The following ASXL1 variants were observed in gnomAD, a reference collection of about 807,000 sequenced individuals.
ASXL1 encodes the protein ASXL transcriptional regulator 1.
In ASXL1, 65 loss-of-function variants were observed where a neutral mutation model predicts 89.1. That is an observed-to-expected ratio of 0.73 (90% CI 0.60 to 0.90). The LOEUF is 0.90. Ranked by LOEUF, ASXL1 falls within the 40% of genes least tolerant of loss-of-function variation. The pLI, the probability that ASXL1 is intolerant of heterozygous loss-of-function variation, is 0.00. For missense variants in ASXL1, 1,786 were observed against 1,942.9 expected (o/e 0.92, Z 1.52); for synonymous variants, 739 against 746.9 (o/e 0.99, Z 0.17).
At chr20:32,389,983 A>G (rs886733045) in intron 4 of ASXL1, among the ~76,000 whole-genome samples, 1 of 152,242 alleles carries the variant, frequency 6.6e-6, no homozygotes, top group African/African-American at 2.4e-5. Context: ...AATATATGCC[A>G]TATATGGCTT....
At chr20:32,413,029 G>T (rs963246118) in intron 4 of ASXL1, among the ~76,000 whole-genome samples, 11 of 152,152 alleles carry the variant, frequency 7.2e-5, no homozygotes, top group Non-Finnish European at 1.0e-4. Context: ...TGAGGGAGTG[G>T]TTATACTTTG....
chr20:32,423,419 T>G (rs1251455048), intron 4 of ASXL1, among the ~76,000 whole-genome samples: 1 of 147,640 alleles, frequency 6.8e-6, no homozygotes, highest in Non-Finnish European at 1.5e-5. Flanking sequence ...GTGTGTATAT[T>G]TAGTAGGGGG....
intron 4 of ASXL1, among the ~76,000 whole-genome samples, chr20:32,425,351 TA>T (rs2011244679): frequency 4.0e-5 from 6 of 151,894 alleles, no homozygotes. Flanking sequence ...TGTACTTCTC[TA>T]AGGAATCCAA....
rs1241861910 is a variant in ASXL1, at chr20:32,358,829, C to T, written c.54C>T (p.Arg18=). 2 of 1,507,112 alleles carry T rather than the reference C, an allele frequency of 1.3e-6. No individual in the cohort carries two copies. The highest frequency in any genetic ancestry group is 1.5e-5 in the African/African-American group (1 of 68,560). The allele number at this position is 1,507,112 out of a possible 1,614,324, so 93.4% of individuals were successfully genotyped here. Residue 18 remains arginine (R), a synonymous_variant, in exon 1 of 13, where the codon CGC becomes CGT. Transcript: ENST00000375687. ...KKERTWAEAA[R]LVLENYSDAP... Reference sequence around the variant, plus strand: ...AGCGCACGTGGGCCGAGGCCGCGCGCCTGGTGAGGCGGACAGCCGAGGGGG... The same window carrying T: ...AGCGCACGTGGGCCGAGGCCGCGCGTCTGGTGAGGCGGACAGCCGAGGGGG...
Position 32,436,895 on chromosome 20 carries a change from C to T in ASXL1, c.4183C>T (p.Leu1395=), listed in dbSNP as rs150004862. Reference sequence around the variant, plus strand: ...AGCTACTGGGCATAGTCCCCTGGAACTGGTGGGTCACTTGGAAGGGATGCC... The same window carrying T: ...AGCTACTGGGCATAGTCCCCTGGAATTGGTGGGTCACTTGGAAGGGATGCC... ...RKATGHSPLE[L]VGHLEGMPFV... The change falls in exon 13 of 13, where the codon CTG becomes TTG. Residue 1395 remains leucine, a synonymous_variant. Coordinates refer to ENST00000375687, the MANE Select transcript of ASXL1 (RefSeq NM_015338.6). 6.2e-7 allele frequency: 1 copy of T among 1,614,258 alleles called. No homozygotes were observed. The highest frequency in any genetic ancestry group is 2.2e-5 in the East Asian group (1 of 44,890).
At chr20:32,369,209 C>A (rs2048256375) in intron 4 of ASXL1, 86 bp downstream of exon 4, 2 of 1,284,822 alleles carry the variant, frequency 1.6e-6, no homozygotes, top group Non-Finnish European at 2.3e-6. Flanking sequence ...GGAATAGGGG[C>A]CATGAATTTG....
At chr20:32,379,973 TA>T (rs1057347628) in intron 4 of ASXL1, among the ~76,000 whole-genome samples, 1 of 149,386 alleles carries the variant, frequency 6.7e-6, no homozygotes. Context: ...TTTAAAAGTA[TA>T]AAAAAACTTA....
rs781094164 is a variant in ASXL1, at chr20:32,433,899, C to G, written c.1701C>G (p.Pro567=). The G allele has an allele frequency of 1.2e-6, 2 of 1,613,224 alleles. No individual in the cohort carries two copies. Among genetic ancestry groups the G allele is most frequent in the Non-Finnish European group, 1.7e-6 (2 of 1,180,040 alleles). The change falls in exon 12 of 13, where the codon CCC becomes CCG. Residue 567 remains proline, a synonymous_variant. Coordinates refer to ENST00000375687, the MANE Select transcript of ASXL1 (RefSeq NM_015338.6). The stretch of plus-strand genomic sequence containing the variant: ...AGCCACAGCCCACTAAAGAGGAGCC[C>G]AAAGTCCCGCCCATCCGGGTAGGAG... ...TEKPQPTKEE[P]KVPPIRIQLS...
At chr20:32,383,670 A>G (rs1467431189) in intron 4 of ASXL1, among the ~76,000 whole-genome samples, 9 of 152,190 alleles carry the variant, frequency 5.9e-5, no homozygotes, top group Non-Finnish European at 1.2e-4. Flanking sequence ...GAGCACTGGA[A>G]TAGGAGTCAA....
intron 4 of ASXL1, among the ~76,000 whole-genome samples, chr20:32,370,393 G>T (rs567237808): frequency 6.6e-6 from 1 of 151,294 alleles, no homozygotes; most frequent in African/African-American, 2.4e-5. Flanking sequence ...ATACCCAAAT[G>T]AATGGGCATG....
chr20:32,430,039 G>A lies in ASXL1; in HGVS notation c.704G>A (p.Arg235Gln), dbSNP rs1234538414. 1.1e-5 allele frequency: 17 copies of A among 1,604,586 alleles called. No individual in the cohort carries two copies. Among genetic ancestry groups the A allele is most frequent in the African/African-American group, 5.3e-5 (4 of 74,926 alleles). The change falls in exon 8 of 13, where the codon CGG becomes CAG. Residue 235 changes from arginine to glutamine, a missense_variant. Arg to Gln is a conservative substitution (Grantham distance 43). This residue lies in a region of ASXL1 where 332 missense variants were observed against 449.7 expected (regional missense o/e 0.74). Transcript: ENST00000375687. The part of the protein sequence containing the change: ...QDPAPLLRGF[R>Q]KPATGQMKRN... ...CCTGCCCCGCTCCTGAGAGGCTTCCGGAAGCCAGCCACAGGTGAGTGGCGT... is the reference window on the plus strand; with the variant it reads ...CCTGCCCCGCTCCTGAGAGGCTTCCAGAAGCCAGCCACAGGTGAGTGGCGT...
intron 4 of ASXL1, among the ~76,000 whole-genome samples, chr20:32,409,274 C>T (rs1247713827): frequency 6.6e-6 from 1 of 152,174 alleles, no homozygotes; most frequent in African/African-American, 2.4e-5. Context: ...TGCCCAGCCT[C>T]AGCTATTTTT....
At position 32,437,464 on chromosome 20, in the gene ASXL1, CA is replaced by C; in HGVS notation, c.*130del. 9 of 1,410,310 alleles carry C rather than the reference CA, an allele frequency of 6.4e-6. No individual in the cohort carries two copies. Among genetic ancestry groups the C allele is most frequent in the Non-Finnish European group, 8.9e-6 (9 of 1,012,240 alleles). The allele number at this position is 1,410,310 out of a possible 1,614,324, so 87.4% of individuals were successfully genotyped here. ...AGGCAGGAGCACTCTTGCCTTCCCC[CA>C]AAATTTACACTGCTAAAGCCCTCTG... On this transcript the variant is annotated 3_prime_UTR_variant, in exon 13 of 13. Coordinates refer to ENST00000375687, the MANE Select transcript of ASXL1 (RefSeq NM_015338.6).
At position 32,433,359 on chromosome 20, in the gene ASXL1, T is replaced by TGTCC; in HGVS notation, c.1162_1165dup (p.Pro389ArgfsTer22). ...AGGCTGAAATCAAAAGTGGCTTGTGTGTCCCAGGAGAATCAGTGCGTATAC... is the reference window on the plus strand; with the variant it reads ...AGGCTGAAATCAAAAGTGGCTTGTGTGTCCGTCCCAGGAGAATCAGTGCGTATAC... On this transcript the variant is annotated frameshift_variant, in exon 12 of 13. Coordinates refer to ENST00000375687, the MANE Select transcript of ASXL1 (RefSeq NM_015338.6). LOFTEE classifies it high-confidence loss of function. 1 of 1,614,170 alleles carries TGTCC rather than the reference T, an allele frequency of 6.2e-7. No homozygotes were observed. The highest frequency in any genetic ancestry group is 8.5e-7 in the Non-Finnish European group (1 of 1,180,032).
chr20:32,361,039 G>C (rs1322762375), intron 1 of ASXL1, among the ~76,000 whole-genome samples: 1 of 151,920 alleles, frequency 6.6e-6, no homozygotes, highest in Non-Finnish European at 1.5e-5. Flanking sequence ...GAGCCACCGC[G>C]CCCAGCCTAT....
intron 4 of ASXL1, among the ~76,000 whole-genome samples, chr20:32,405,339 A>G (rs1207089230): frequency 6.6e-6 from 1 of 151,974 alleles, no homozygotes; most frequent in Non-Finnish European, 1.5e-5. Context: ...CAGCCTCCCA[A>G]AGTGTTGGGA....
chr20:32,431,367 T>C lies in ASXL1; in HGVS notation c.765T>C (p.Pro255=), dbSNP rs1245594957. The C allele has an allele frequency of 1.2e-6, 2 of 1,614,086 alleles. No individual in the cohort carries two copies. The highest frequency in any genetic ancestry group is 1.3e-5 in the African/African-American group (1 of 74,914). ...NRGEEIDFET[P]GSILVNTNLR... ...GGGAAGAAATAGATTTTGAGACACC[T>C]GGGTCCATTCTTGTCAACACCAACC... Residue 255 remains proline, a synonymous_variant, in exon 9 of 13, where the codon CCT becomes CCC. Transcript: ENST00000375687.
chr20:32,372,376 A>G lies in ASXL1; in HGVS notation c.252+3253A>G. 4.4e-6 allele frequency: 5 copies of G among 1,141,476 alleles called. No homozygotes were observed. In the South Asian group the frequency reaches 1.1e-4, roughly 25 times the overall value. The allele number at this position is 1,141,476 out of a possible 1,614,324, so 70.7% of individuals were successfully genotyped here. On this transcript the variant is annotated intron_variant, in intron 4 of 12. Transcript: ENST00000375687. ...ATAGTATCTTGTTCATTGGCCTTTT[A>G]CATCCATAGGCATCACTTCTCTGAT... is the stretch of plus-strand genomic sequence containing the variant.
Position 32,434,652 on chromosome 20 carries a change from C to A in ASXL1, c.1940C>A (p.Pro647Gln). The change falls in exon 13 of 13, where the codon CCG (proline) becomes CAG (glutamine). Residue 647 changes from proline to glutamine, a missense_variant. Physicochemically the swap from Pro to Gln is moderately conservative, Grantham distance 76 (BLOSUM62 -1). Transcript: ENST00000375687. Reference protein sequence around the residue: ...ATTAIGGGGGPGGGGGGATDE... With the variant: ...ATTAIGGGGGQGGGGGGATDE... ...ACTGCCATCGGAGGGGGGGGTGGCCCGGGTGGAGGTGGCGGCGGGGCCACC... is the reference window on the plus strand; with the variant it reads ...ACTGCCATCGGAGGGGGGGGTGGCCAGGGTGGAGGTGGCGGCGGGGCCACC... 1 of 1,604,712 alleles carries A rather than the reference C, an allele frequency of 6.2e-7. No individual in the cohort carries two copies. Among genetic ancestry groups the A allele is most frequent in the South Asian group, 1.1e-5 (1 of 90,480 alleles).
Sources: allele counts gnomAD v4.1 joint callset (sites outside exome capture counted in the v4.1 genomes callset), GRCh38; gene constraint gnomAD v4.1.1; regional missense constraint gnomAD v4.1.1; transcripts MANE v1.5; gene names NCBI Gene and HGNC (gene_info 2026-07-23, HGNC 2026-07-21).